PCDHGB1: variants seen among roughly 807,000 people sequenced by gnomAD.
PCDHGB1 encodes the protein protocadherin gamma-B1.
Under a neutral mutation model 56.6 loss-of-function variants are expected in PCDHGB1, and 34 were observed. The observed-to-expected ratio is 0.60, with a 90% CI of 0.46 to 0.80. PCDHGB1 has a LOEUF of 0.80. Among genes scored for constraint, PCDHGB1 ranks in the 30% least tolerant of loss-of-function variants. PCDHGB1 has a pLI of 0.00. For missense variants in PCDHGB1, 1,278 were observed against 1,204.6 expected (o/e 1.06, Z -0.90); for synonymous variants, 561 against 505.9 (o/e 1.11, Z -1.46).
At position 141,431,316 on chromosome 5, in the gene PCDHGB1, C is replaced by T; in HGVS notation, c.2410-63491C>T. 6.2e-7 allele frequency: 1 copy of T among 1,614,104 alleles called. No individual in the cohort carries two copies. The highest frequency in any genetic ancestry group is 8.5e-7 in the Non-Finnish European group (1 of 1,180,046). The stretch of plus-strand genomic sequence containing the variant: ...TTCTCCCTCATCGTGCAAAATGGAG[C>T]CGACGGTAGTAAGTACCCCGAATTG... On this transcript the variant is annotated intron_variant, in intron 1 of 3. Transcript: ENST00000523390. The surrounding 1 kb of genome is among the most constrained non-coding windows in gnomAD (Gnocchi z 4.8).
rs369886570 is a variant in PCDHGB1 at position 141,487,839 on chromosome 5, G to A, written c.2410-6968G>A. ...GGGGGCGGGTCATGCCTATATCTGAGTAAGAAATGAAAGTAATTGGTGATC... is the reference window on the plus strand; with the variant it reads ...GGGGGCGGGTCATGCCTATATCTGAATAAGAAATGAAAGTAATTGGTGATC... On this transcript the variant is annotated intron_variant, in intron 1 of 3. Transcript: ENST00000523390. The surrounding 1 kb of genome is among the most constrained non-coding windows in gnomAD (Gnocchi z 5.0). The A allele has an allele frequency of 2.7e-6, 3 of 1,103,412 alleles. No homozygotes were observed. Among genetic ancestry groups the A allele is most frequent in the African/African-American group, 1.6e-5 (1 of 63,054 alleles). The allele number at this position is 1,103,412 out of a possible 1,614,324, so 68.4% of individuals were successfully genotyped here.
chr5:141,433,329 G>A, intron 1 of PCDHGB1: 1 of 702,998 alleles, frequency 1.4e-6, no homozygotes, highest in Non-Finnish European at 2.4e-6. Context: ...GTGTAACAGG[G>A]ACTACAGGTG....
intron 1 of PCDHGB1, among the ~76,000 whole-genome samples, chr5:141,454,657 C>T (rs554561906): frequency 5.1e-4 from 77 of 152,192 alleles, no homozygotes; most frequent in African/African-American, 1.7e-3. Flanking sequence ...CTGCCCACCT[C>T]GGCCTCCCAA....
At chr5:141,394,696 C>G (rs1006890229) in intron 1 of PCDHGB1, 1 of 1,612,928 alleles carries the variant, frequency 6.2e-7, no homozygotes, top group African/African-American at 1.3e-5. Context: ...GAGGTGCGCA[C>G]GGCGCGAGCC....
chr5:141,415,096 G>A (rs1398998410), intron 1 of PCDHGB1: 3 of 1,613,462 alleles, frequency 1.9e-6, no homozygotes, highest in Non-Finnish European at 2.5e-6. Flanking sequence ...GGACAGAGAC[G>A]CGCTCAAGCA....
chr5:141,352,691 T>C (rs1268868403), intron 1 of PCDHGB1, 22 bp downstream of exon 1: 1 of 1,558,116 alleles, frequency 6.4e-7, no homozygotes, highest in East Asian at 2.4e-5. Flanking sequence ...CAAATCTAGT[T>C]AAATTTTATA....
intron 1 of PCDHGB1, chr5:141,385,371 T>C: frequency 2.6e-6 from 4 of 1,529,296 alleles, no homozygotes; most frequent in Non-Finnish European, 3.5e-6. Context: ...ATTTGCATGA[T>C]ATTTCTCTAT....
At chr5:141,393,639 A>G in intron 1 of PCDHGB1, 1 of 1,613,964 alleles carries the variant, frequency 6.2e-7, no homozygotes, top group Non-Finnish European at 8.5e-7. Context: ...AATCAACGGA[A>G]AAGTGGCATA....
chr5:141,511,361 G>C lies in PCDHGB1; in HGVS notation c.*188G>C, dbSNP rs2099883750. 7.4e-7 allele frequency: 1 copy of C among 1,345,388 alleles called. No individual in the cohort carries two copies. Among genetic ancestry groups the C allele is most frequent in the Non-Finnish European group, 9.9e-7 (1 of 1,006,550 alleles). The allele number at this position is 1,345,388 out of a possible 1,614,324, so 83.3% of individuals were successfully genotyped here. On this transcript the variant is annotated 3_prime_UTR_variant, in exon 4 of 4. Transcript: ENST00000523390. ...CCTACCCCTTCCCCCCCAGGGGGTTGAATATGCAAAAGCAGTTCCGCTGGG... is the reference window on the plus strand; with the variant it reads ...CCTACCCCTTCCCCCCCAGGGGGTTCAATATGCAAAAGCAGTTCCGCTGGG...
Position 141,432,057 on chromosome 5 carries a change from C to G in PCDHGB1, c.2410-62750C>G. On this transcript the variant is annotated intron_variant, in intron 1 of 3. Coordinates refer to ENST00000523390, the MANE Select transcript of PCDHGB1 (RefSeq NM_018922.3). This position sits in a 1 kb window ranked among gnomAD's most constrained non-coding sequence, Gnocchi z 6.0. The stretch of plus-strand genomic sequence containing the variant: ...ACTGACCGGGGAACCCCGCCCCTAT[C>G]CACGGAAACTCATATCTCGCTGAAC... 1 of 1,614,220 alleles carries G rather than the reference C, an allele frequency of 6.2e-7. No homozygotes were observed. The highest frequency in any genetic ancestry group is 8.5e-7 in the Non-Finnish European group (1 of 1,180,042).
intron 1 of PCDHGB1, among the ~76,000 whole-genome samples, chr5:141,437,486 G>A (rs530079212): frequency 2.6e-5 from 4 of 152,224 alleles, no homozygotes; most frequent in South Asian, 2.1e-4. Flanking sequence ...ATTTAATCTC[G>A]TAGATCACTT....
intron 1 of PCDHGB1, chr5:141,372,255 C>CTGCGCACGGGTGAGG: frequency 1.2e-6 from 2 of 1,613,136 alleles, no homozygotes; most frequent in East Asian, 2.2e-5. Flanking sequence ...CAGCCTGGGC[C>CTGCGCACGGGTGAGG]TGCGCACGGG....
chr5:141,390,214 T>G, intron 1 of PCDHGB1: 1 of 1,614,064 alleles, frequency 6.2e-7, no homozygotes, highest in Non-Finnish European at 8.5e-7. Flanking sequence ...GGACAAGACA[T>G]ACTTTGCGGT....
At chr5:141,394,962 A>C (rs971000405) in intron 1 of PCDHGB1, 1 of 1,613,828 alleles carries the variant, frequency 6.2e-7, no homozygotes, top group Non-Finnish European at 8.5e-7. Context: ...GCTCAGGCTG[A>C]GGCGCTGGCA....
At chr5:141,394,034 G>T in intron 1 of PCDHGB1, 1 of 1,613,540 alleles carries the variant, frequency 6.2e-7, no homozygotes, top group Non-Finnish European at 8.5e-7. Flanking sequence ...TAGTGACAAG[G>T]AAATATTTGG....
chr5:141,376,485 A>G (rs1772740075), intron 1 of PCDHGB1: 1 of 1,614,056 alleles, frequency 6.2e-7, no homozygotes, highest in Non-Finnish European at 8.5e-7. Context: ...CTTGAAACGA[A>G]AGGAGAACCC....
intron 1 of PCDHGB1, among the ~76,000 whole-genome samples, chr5:141,451,067 A>G (rs948528671): frequency 6.6e-6 from 1 of 151,848 alleles, no homozygotes; most frequent in African/African-American, 2.4e-5. Flanking sequence ...TGACCTTGTG[A>G]TCCACCCACC....
At chr5:141,387,600 A>T (rs1033182750) in intron 1 of PCDHGB1, 3 of 541,478 alleles carry the variant, frequency 5.5e-6, no homozygotes, top group Admixed American at 7.3e-5. Context: ...GAAGCAGCAG[A>T]GGCTGTAGTT....
At chr5:141,405,203 C>A in intron 1 of PCDHGB1, 2 of 1,613,520 alleles carry the variant, frequency 1.2e-6, no homozygotes, top group Non-Finnish European at 1.7e-6. Flanking sequence ...AGCTTTCCTA[C>A]AGACCTATTC....
Sources: allele counts gnomAD v4.1 joint callset (sites outside exome capture counted in the v4.1 genomes callset), GRCh38; gene constraint gnomAD v4.1.1; non-coding constraint Gnocchi (gnomAD v3.1); transcripts MANE v1.5; gene names NCBI Gene and HGNC (gene_info 2026-07-23, HGNC 2026-07-21).